MYO5A: variants seen among roughly 807,000 people sequenced by gnomAD.
MYO5A encodes myosin VA, also known as unconventional myosin-Va.
In MYO5A, 98 loss-of-function variants were observed where a neutral mutation model predicts 249.7. That is an observed-to-expected ratio of 0.39 (90% CI 0.33 to 0.46). MYO5A has a LOEUF of 0.46. MYO5A is among the 20% of genes least tolerant of loss of function. The pLI, the probability that MYO5A is intolerant of heterozygous loss-of-function variation, is 0.98. For missense variants in MYO5A, 1,696 were observed against 2,308.8 expected (o/e 0.73, Z 5.44); for synonymous variants, 778 against 810.6 (o/e 0.96, Z 0.68).
intron 1 of MYO5A, among the ~76,000 whole-genome samples, chr15:52,524,055 G>A (rs936447247): frequency 6.6e-6 from 1 of 152,188 alleles, no homozygotes; most frequent in Admixed American, 6.5e-5. Context: ...GTTGGGAATG[G>A]AAAGTTACAC....
In MYO5A at chr15:52,399,001, T is replaced by C. The variant is rs183882941; in HGVS notation, c.1054-1535A>G. ...GAGACTCCGTCTCAAAAAAAAAAAT[T>C]TTTTTCTTAAAATTAAAAAAAAAAA... On this transcript the variant is annotated intron_variant, in intron 9 of 41. Transcript: ENST00000399233. Among the ~76,000 whole-genome samples the C allele has an allele frequency of 7.6e-3, 1,157 of 151,434 alleles. 16 individuals are homozygous for C. The highest frequency in any genetic ancestry group is 0.027 in the African/African-American group (1,108 of 41,206).
At chr15:52,437,664 T>C (rs1055821150) in intron 1 of MYO5A, among the ~76,000 whole-genome samples, 4 of 150,164 alleles carry the variant, frequency 2.7e-5, no homozygotes, top group South Asian at 4.2e-4. Context: ...CCTTGACTGA[T>C]GAAAACACAA....
chr15:52,371,347 C>T (rs1223095344), intron 21 of MYO5A, among the ~76,000 whole-genome samples: 4 of 152,176 alleles, frequency 2.6e-5, no homozygotes, highest in African/African-American at 9.7e-5. Flanking sequence ...AAACTTTTAT[C>T]TCTGCAACAG....
chr15:52,335,754 A>T (rs1238953020), intron 34 of MYO5A, among the ~76,000 whole-genome samples: 1 of 152,030 alleles, frequency 6.6e-6, no homozygotes, highest in East Asian at 1.9e-4. Flanking sequence ...TATCATCATA[A>T]TTCATATTTT....
At chr15:52,492,810 C>T (rs2076960752) in intron 1 of MYO5A, among the ~76,000 whole-genome samples, 1 of 152,156 alleles carries the variant, frequency 6.6e-6, no homozygotes, top group African/African-American at 2.4e-5. Flanking sequence ...ATAAGATTGG[C>T]CAGGAGTTGA....
At chr15:52,372,868 GC>G (rs1227072025) in intron 20 of MYO5A, among the ~76,000 whole-genome samples, 15 of 152,096 alleles carry the variant, frequency 9.9e-5, no homozygotes, top group Admixed American at 8.5e-4. Context: ...GCATTATTAG[GC>G]CCGTGCATGA....
chr15:52,383,049 T>C, intron 16 of MYO5A, 42 bp downstream of exon 16: 1 of 1,502,418 alleles, frequency 6.7e-7, no homozygotes, highest in African/African-American at 1.4e-5. Context: ...GCACTTCTTA[T>C]AAGATATGTA....
At chr15:52,399,392 G>C (rs1412952874) in intron 9 of MYO5A, among the ~76,000 whole-genome samples, 1 of 152,128 alleles carries the variant, frequency 6.6e-6, no homozygotes, top group Non-Finnish European at 1.5e-5. Flanking sequence ...CAAACTCCTG[G>C]ACTCAAGAGA....
chr15:52,411,605 C>G (rs960897273), intron 5 of MYO5A, among the ~76,000 whole-genome samples: 1 of 150,950 alleles, frequency 6.6e-6, no homozygotes, highest in Admixed American at 6.6e-5. Flanking sequence ...GTTTAATAAG[C>G]AAATTTCAAA....
chr15:52,370,517 CA>C, intron 21 of MYO5A, 100 bp from the exon 22 acceptor site: 1 of 1,289,216 alleles, frequency 7.8e-7, no homozygotes, highest in Non-Finnish European at 1.1e-6. Flanking sequence ...GCTATATCAT[CA>C]TAACATTGAT....
chr15:52,351,992 T>A (rs1379488617), intron 27 of MYO5A, among the ~76,000 whole-genome samples: 1 of 152,360 alleles, frequency 6.6e-6, no homozygotes, highest in East Asian at 1.9e-4. Flanking sequence ...TTAAAAAGTT[T>A]ACCATCTCAT....
At chr15:52,427,243 G>C (rs971217778) in intron 3 of MYO5A, among the ~76,000 whole-genome samples, 1 of 152,084 alleles carries the variant, frequency 6.6e-6, no homozygotes, top group African/African-American at 2.4e-5. Context: ...CCAACTATGT[G>C]TAAAGTCATT....
intron 2 of MYO5A, among the ~76,000 whole-genome samples, chr15:52,432,892 G>C (rs2075572898): frequency 6.6e-6 from 1 of 152,094 alleles, no homozygotes; most frequent in South Asian, 2.1e-4. Flanking sequence ...CCAGTTAAAT[G>C]CAAGAGTTTT....
intron 1 of MYO5A, among the ~76,000 whole-genome samples, chr15:52,435,399 C>T (rs1349684967): frequency 6.6e-6 from 1 of 151,670 alleles, no homozygotes; most frequent in East Asian, 1.9e-4. Flanking sequence ...GCCTCGGCCT[C>T]CCGAGCAGCT....
chr15:52,525,995 C>T (rs2077723156), intron 1 of MYO5A, among the ~76,000 whole-genome samples: 1 of 152,206 alleles, frequency 6.6e-6, no homozygotes, highest in Non-Finnish European at 1.5e-5. Context: ...ACCTGGCACA[C>T]AGGATGCCTG....
chr15:52,508,671 T>G (rs557132161), intron 1 of MYO5A, among the ~76,000 whole-genome samples: 4 of 152,288 alleles, frequency 2.6e-5, no homozygotes, highest in African/African-American at 9.6e-5. Flanking sequence ...CACACATAGC[T>G]GGTAACACAC....
In MYO5A at chr15:52,372,307, G is replaced by C; in HGVS notation, c.2634C>G (p.Ala878=). The change falls in exon 21 of 42, where the codon GCC becomes GCG. Residue 878 remains alanine, a synonymous_variant. Coordinates refer to ENST00000399233, the MANE Select transcript of MYO5A (RefSeq NM_001382347.1). ...IIQKRVRGWL[A]RTHYKRSMHA... Reference sequence around the variant, plus strand: ...GCATGCTCCTCTTGTAGTGTGTGCGGGCCAGCCAGCCCCGGACTCGCTTCT... The same window carrying C: ...GCATGCTCCTCTTGTAGTGTGTGCGCGCCAGCCAGCCCCGGACTCGCTTCT... 6.2e-7 allele frequency: 1 copy of C among 1,608,538 alleles called. No individual in the cohort carries two copies. The highest frequency in any genetic ancestry group is 8.5e-7 in the Non-Finnish European group (1 of 1,179,996).
intron 7 of MYO5A, 110 bp downstream of exon 7, chr15:52,407,949 T>C (rs917400727): frequency 6.7e-5 from 52 of 772,124 alleles, no homozygotes; most frequent in Non-Finnish European, 1.1e-4. Context: ...TATCATATTA[T>C]CCATAAGTAT....
At chr15:52,410,103 GAAA>G (rs1346417724) in intron 6 of MYO5A, among the ~76,000 whole-genome samples, 3 of 152,248 alleles carry the variant, frequency 2.0e-5, no homozygotes, top group Admixed American at 1.3e-4. Context: ...GCACCTGTAG[GAAA>G]AAGTCAAACC....
Sources: allele counts gnomAD v4.1 joint callset (sites outside exome capture counted in the v4.1 genomes callset), GRCh38; gene constraint gnomAD v4.1.1; transcripts MANE v1.5; gene names NCBI Gene and HGNC (gene_info 2026-07-23, HGNC 2026-07-21).